The following NIPSNAP3B variants were observed in gnomAD, a reference collection of about 807,000 sequenced individuals.
The protein encoded by NIPSNAP3B is nipsnap homolog 3B.
In NIPSNAP3B, 30 loss-of-function variants were observed where a neutral mutation model predicts 31.5. The ratio of observed to expected loss-of-function variants is 0.95; its 90% confidence interval spans 0.71 to 1.29. The LOEUF is 1.29. Ranked by LOEUF, NIPSNAP3B falls within the 50% of genes most tolerant of loss-of-function variation. NIPSNAP3B has a pLI of 0.00. For synonymous variants in NIPSNAP3B, 106 were observed against 107.9 expected, an observed-to-expected ratio of 0.98 and a Z score of 0.11; for missense variants, 269 against 300.7, an observed-to-expected ratio of 0.89 and a Z score of 0.78.
chr9:104,784,704 CGA>C, the NIPSNAP3B span, among the ~76,000 whole-genome samples: 1 of 152,142 alleles, frequency 6.6e-6, no homozygotes, highest in Non-Finnish European at 1.5e-5. Flanking sequence ...AGTGCAGTGG[CGA>C]GACCTTGGCT....
At chr9:104,784,546 T>A in the NIPSNAP3B span, 4 of 1,478,716 alleles carry the variant, frequency 2.7e-6, no homozygotes, top group South Asian at 3.5e-5. Context: ...TGAAATTAGG[T>A]CAAGTAGGAG....
At position 104,775,565 on chromosome 9, in the gene NIPSNAP3B, T is replaced by C. The variant is rs1012281594; in HGVS notation, c.*2492T>C. Among the ~76,000 whole-genome samples, 1 of 152,194 alleles carries C rather than the reference T, an allele frequency of 6.6e-6. No homozygotes were observed. The highest frequency in any genetic ancestry group is 2.4e-5 in the African/African-American group (1 of 41,446). On this transcript the variant is annotated 3_prime_UTR_variant, in exon 6 of 6. Coordinates refer to ENST00000374762, the MANE Select transcript of NIPSNAP3B (RefSeq NM_018376.4). ...TCACCCCCAGTCTTGTGGCTTCAAATGCTATCTGTGTGTGGATAGCTCCTC... is the reference window on the plus strand; with the variant it reads ...TCACCCCCAGTCTTGTGGCTTCAAACGCTATCTGTGTGTGGATAGCTCCTC...
At chr9:104,770,174 T>A (rs955796148) in intron 3 of NIPSNAP3B, among the ~76,000 whole-genome samples, 2 of 152,216 alleles carry the variant, frequency 1.3e-5, no homozygotes, top group African/African-American at 4.8e-5. Flanking sequence ...AATTCTTTAG[T>A]AACTTTGTAT....
chr9:104,775,502 C>T lies in NIPSNAP3B; in HGVS notation c.*2429C>T, dbSNP rs1326984936. On this transcript the variant is annotated 3_prime_UTR_variant, in exon 6 of 6. Coordinates refer to ENST00000374762, the MANE Select transcript of NIPSNAP3B (RefSeq NM_018376.4). ...CTGATGTAAGGACTGAGTCCTTGGACCACTTCTCTTTTCTATTTATACTTA... is the reference window on the plus strand; with the variant it reads ...CTGATGTAAGGACTGAGTCCTTGGATCACTTCTCTTTTCTATTTATACTTA... 6.6e-6 allele frequency among the ~76,000 whole-genome samples: 1 copy of T among 152,156 alleles called. No individual in the cohort carries two copies. The highest frequency in any genetic ancestry group is 1.5e-5 in the Non-Finnish European group (1 of 68,032).
the NIPSNAP3B span, chr9:104,785,771 G>A: frequency 9.9e-7 from 1 of 1,009,032 alleles, no homozygotes; most frequent in Non-Finnish European, 1.5e-6. Context: ...GTTTCTGAGA[G>A]AAGGAACCAG....
At position 104,768,937 on chromosome 9, in the gene NIPSNAP3B, C is replaced by T; in HGVS notation, c.346C>T (p.Pro116Ser). 3 of 1,613,858 alleles carry T rather than the reference C, an allele frequency of 1.9e-6. No individual in the cohort carries two copies. Among genetic ancestry groups the T allele is most frequent in the Non-Finnish European group, 1.7e-6 (2 of 1,179,844 alleles). ...CKEWQEQSII[P>S]NLARIDKQET... ...GGAATGGCAAGAACAATCTATCATTCCAAATTTGGCTCGCATTGATAAACA... is the reference window on the plus strand; with the variant it reads ...GGAATGGCAAGAACAATCTATCATTTCAAATTTGGCTCGCATTGATAAACA... The change falls in exon 3 of 6, where the codon CCA becomes TCA. Residue 116 changes from proline to serine, a missense_variant. Physicochemically the swap from Pro to Ser is moderately conservative, Grantham distance 74 (BLOSUM62 -1). Coordinates refer to ENST00000374762, the MANE Select transcript of NIPSNAP3B (RefSeq NM_018376.4).
rs1478309800 is a variant in NIPSNAP3B, at chr9:104,773,065, T to C, written c.736T>C (p.Leu246=). 2.5e-6 allele frequency: 4 copies of C among 1,613,706 alleles called. No individual in the cohort carries two copies. The highest frequency in any genetic ancestry group is 3.4e-6 in the Non-Finnish European group (4 of 1,179,754). ...MLLIPASFSP[L]K Reference sequence around the variant, plus strand: ...TCTGATTCCTGCATCATTTTCACCATTGAAATAGTTTTCTACTGAAATACA... The same window carrying C: ...TCTGATTCCTGCATCATTTTCACCACTGAAATAGTTTTCTACTGAAATACA... Residue 246 remains leucine, a synonymous_variant, in exon 6 of 6, where the codon TTG becomes CTG. Transcript: ENST00000374762.
the NIPSNAP3B span, chr9:104,787,687 C>T: frequency 6.3e-5 from 14 of 221,516 alleles, no homozygotes; most frequent in Non-Finnish European, 7.6e-5. Flanking sequence ...GCCTCAATCA[C>T]GCTAAGAAAC....
intron 1 of NIPSNAP3B, 106 bp downstream of exon 1, chr9:104,764,406 C>T (rs981198266): frequency 4.7e-5 from 44 of 941,798 alleles, no homozygotes; most frequent in African/African-American, 1.9e-4. Context: ...AGACCTGGGG[C>T]CCCGCGCCGC....
At chr9:104,784,279 T>C in the NIPSNAP3B span, 1 of 1,613,220 alleles carries the variant, frequency 6.2e-7, no homozygotes, top group Non-Finnish European at 8.5e-7. Context: ...GTCTAGTTCC[T>C]CTTTACTTTC....
chr9:104,778,516 C>T (rs1349804843), downstream of NIPSNAP3B, among the ~76,000 whole-genome samples: 1 of 152,168 alleles, frequency 6.6e-6, no homozygotes, highest in Non-Finnish European at 1.5e-5. Context: ...CGTGCACCAC[C>T]ACGCCCAGCC....
At chr9:104,764,892 C>G (rs1000654458) in intron 1 of NIPSNAP3B, among the ~76,000 whole-genome samples, 1 of 152,152 alleles carries the variant, frequency 6.6e-6, no homozygotes, top group African/African-American at 2.4e-5. Flanking sequence ...CCGGGACACC[C>G]CCGTGGCGCC....
In NIPSNAP3B at chr9:104,775,984, C is replaced by T. The variant is rs1006097184; in HGVS notation, c.*2911C>T. Among the ~76,000 whole-genome samples, 1 of 152,142 alleles carries T rather than the reference C, an allele frequency of 6.6e-6. No individual in the cohort carries two copies. Among genetic ancestry groups the T allele is most frequent in the Non-Finnish European group, 1.5e-5 (1 of 68,016 alleles). ...ACTGGTGTGCTGCCCTTCCCCTCTG[C>T]TCTCAACCCTATTTTCAACATAGCA... On this transcript the variant is annotated 3_prime_UTR_variant, in exon 6 of 6. Coordinates refer to ENST00000374762, the MANE Select transcript of NIPSNAP3B (RefSeq NM_018376.4).
In NIPSNAP3B at chr9:104,766,509, A is replaced by AT; in HGVS notation, c.246dup (p.Lys83Ter). The AT allele has an allele frequency of 6.2e-7, 1 of 1,613,558 alleles. No homozygotes were observed. Among genetic ancestry groups the AT allele is most frequent in the Non-Finnish European group, 8.5e-7 (1 of 1,179,638 alleles). ...AGTGTAGAATTTGGAGGCAGAACGA[A>AT]TAAAGTGTTTCATATTTGGAAGTAT... On this transcript the variant is annotated frameshift_variant, in exon 2 of 6. Transcript: ENST00000374762. LOFTEE classifies it high-confidence loss of function.
chr9:104,778,561 C>T (rs1828384111), downstream of NIPSNAP3B, among the ~76,000 whole-genome samples: 1 of 152,146 alleles, frequency 6.6e-6, no homozygotes, highest in Admixed American at 6.5e-5. Flanking sequence ...TCCATCATTG[C>T]CCCTGAGCTT....
chr9:104,788,573 AAGG>A, the NIPSNAP3B span: 2 of 1,614,136 alleles, frequency 1.2e-6, no homozygotes, highest in South Asian at 2.2e-5. Flanking sequence ...AGATACTGCA[AAGG>A]ACAAGAAAAC....
chr9:104,770,200 T>C (rs139927095), intron 3 of NIPSNAP3B, among the ~76,000 whole-genome samples: 152 of 152,298 alleles, frequency 1.0e-3, no homozygotes, highest in African/African-American at 3.5e-3. Context: ...TCCTTTTTCT[T>C]GTCCAATCTA....
chr9:104,786,451 C>A, the NIPSNAP3B span: 1 of 1,417,306 alleles, frequency 7.1e-7, no homozygotes, highest in Non-Finnish European at 1.0e-6. Context: ...ATGAGAACAT[C>A]ACCATGACTT....
At chr9:104,785,700 G>C in the NIPSNAP3B span, 6 of 1,601,648 alleles carry the variant, frequency 3.7e-6, no homozygotes, top group Non-Finnish European at 5.1e-6. Context: ...AAAGAATACT[G>C]AACCCTGGGA....
Sources: allele counts gnomAD v4.1 joint callset (sites outside exome capture counted in the v4.1 genomes callset), GRCh38; gene constraint gnomAD v4.1.1; transcripts MANE v1.5; gene names NCBI Gene and HGNC (gene_info 2026-07-23, HGNC 2026-07-21).